RTN1: variants seen among roughly 807,000 people sequenced by gnomAD.
RTN1 encodes reticulon 1, also known as reticulon-1.
In RTN1, 25 loss-of-function variants were observed where a neutral mutation model predicts 65.5. The ratio of observed to expected loss-of-function variants is 0.38; its 90% CI spans 0.28 to 0.53. The LOEUF is 0.53. Among genes scored for constraint, RTN1 ranks in the 20% least tolerant of loss-of-function variants. The probability of loss-of-function intolerance (pLI) is 0.79; values close to 1 mark genes in which losing one functional copy is unlikely to be tolerated. For missense variants in RTN1, 983 were observed against 1,025.4 expected, an observed-to-expected ratio of 0.96 and a Z score of 0.57; for synonymous variants, 471 against 447.6, an observed-to-expected ratio of 1.05 and a Z score of -0.66.
chr14:59,664,817 T>G (rs540485934), intron 3 of RTN1, among the ~76,000 whole-genome samples: 2 of 152,318 alleles, frequency 1.3e-5, no homozygotes, highest in South Asian at 4.1e-4. Context: ...ATAATTTTTT[T>G]TTGTGCAAGC....
In RTN1 at chr14:59,785,377, C is replaced by A. The variant is rs147920865; in HGVS notation, c.242-38896G>T. 2.0e-5 allele frequency among the ~76,000 whole-genome samples: 3 copies of A among 152,088 alleles called. No homozygotes were observed. The South Asian group carries it at 6.2e-4, about 32-fold the overall frequency. On this transcript the variant is annotated intron_variant, in intron 1 of 8. Transcript: ENST00000267484. The stretch of plus-strand genomic sequence containing the variant: ...TGCATTATATGAGTTAATTTGAGTG[C>A]CTCATAATGTAAATACATTACTAAA...
intron 1 of RTN1, among the ~76,000 whole-genome samples, chr14:59,787,743 TG>T (rs1361544405): frequency 6.6e-6 from 1 of 152,128 alleles, no homozygotes; most frequent in Non-Finnish European, 1.5e-5. Flanking sequence ...TCATGTAGAC[TG>T]GGGTGATTTG....
At chr14:59,759,108 T>G (rs1237270092) in intron 1 of RTN1, among the ~76,000 whole-genome samples, 1 of 152,192 alleles carries the variant, frequency 6.6e-6, no homozygotes, top group African/African-American at 2.4e-5. Context: ...TTCATCTTTT[T>G]GGTCAGGCAT....
At chr14:59,646,095 T>C (rs891891521) in intron 3 of RTN1, among the ~76,000 whole-genome samples, 1 of 152,120 alleles carries the variant, frequency 6.6e-6, no homozygotes, top group African/African-American at 2.4e-5. Flanking sequence ...AGCTGACAGA[T>C]AAAATAGCCA....
chr14:59,800,440 C>T (rs538691924), intron 1 of RTN1, among the ~76,000 whole-genome samples: 2 of 152,136 alleles, frequency 1.3e-5, no homozygotes, highest in Admixed American at 1.3e-4. Context: ...TCACTCTGTC[C>T]CCCAGGCTGG....
intron 3 of RTN1, among the ~76,000 whole-genome samples, chr14:59,679,898 T>C (rs1056577950): frequency 1.3e-5 from 2 of 152,096 alleles, no homozygotes; most frequent in Non-Finnish European, 2.9e-5. Flanking sequence ...AGGTTGGGGG[T>C]TGGGGTTTGT....
chr14:59,837,693 AAAT>A (rs1369724594), intron 1 of RTN1, among the ~76,000 whole-genome samples: 2 of 152,242 alleles, frequency 1.3e-5, no homozygotes, highest in East Asian at 3.9e-4. Flanking sequence ...TCAAATAATT[AAAT>A]AATATGTTTT....
chr14:59,745,570 A>T, intron 2 of RTN1, 138 bp downstream of exon 2: 1 of 666,210 alleles, frequency 1.5e-6, no homozygotes, highest in Non-Finnish European at 2.4e-6. Context: ...TAATTAAATT[A>T]GTTAAACTAA....
chr14:59,697,732 T>C (rs1408093125), intron 3 of RTN1, among the ~76,000 whole-genome samples: 3 of 152,122 alleles, frequency 2.0e-5, no homozygotes, highest in African/African-American at 4.8e-5. Flanking sequence ...TAAAGACTTA[T>C]GGGTATTAGA....
chr14:59,846,774 A>T lies in RTN1; in HGVS notation c.241+23616T>A, dbSNP rs1259725552. 6.6e-6 allele frequency among the ~76,000 whole-genome samples: 1 copy of T among 152,138 alleles called. No individual in the cohort carries two copies. Among genetic ancestry groups the T allele is most frequent in the Non-Finnish European group, 1.5e-5 (1 of 68,026 alleles). ...TCCAAGTGCCCCTTGGTTCGTAGCC[A>T]GGTGTCCGCATACCTGTTTGAGATG... On this transcript the variant is annotated intron_variant, in intron 1 of 8. Coordinates refer to ENST00000267484, the MANE Select transcript of RTN1 (RefSeq NM_021136.3). The surrounding 1 kb of genome is among the most constrained non-coding windows in gnomAD (Gnocchi z 4.8).
intron 2 of RTN1, among the ~76,000 whole-genome samples, chr14:59,731,427 C>A (rs1490765208): frequency 2.0e-5 from 3 of 151,950 alleles, no homozygotes; most frequent in Non-Finnish European, 2.9e-5. Flanking sequence ...TGATGGATCA[C>A]AACTCTGTGA....
At chr14:59,622,869 T>G (rs1457946427) in intron 3 of RTN1, among the ~76,000 whole-genome samples, 1 of 152,142 alleles carries the variant, frequency 6.6e-6, no homozygotes, top group Non-Finnish European at 1.5e-5. Flanking sequence ...TAAGACACCT[T>G]TGATTTCATT....
At chr14:59,698,382 C>T (rs1309198278) in intron 3 of RTN1, among the ~76,000 whole-genome samples, 3 of 152,052 alleles carry the variant, frequency 2.0e-5, no homozygotes, top group Non-Finnish European at 4.4e-5. Flanking sequence ...AGCTGCCTGC[C>T]ATTTTTCAAT....
intron 1 of RTN1, among the ~76,000 whole-genome samples, chr14:59,777,053 T>C (rs1886065596): frequency 6.6e-6 from 1 of 152,182 alleles, no homozygotes; most frequent in Non-Finnish European, 1.5e-5. Context: ...GTCCCTCACC[T>C]AGGAAGACTG....
At chr14:59,656,011 CA>C (rs1883115942) in intron 3 of RTN1, among the ~76,000 whole-genome samples, 1 of 151,714 alleles carries the variant, frequency 6.6e-6, no homozygotes, top group African/African-American at 2.4e-5. Context: ...AATGAATGGA[CA>C]AAAAAATGGA....
At chr14:59,697,964 T>G (rs542047347) in intron 3 of RTN1, among the ~76,000 whole-genome samples, 183 of 152,250 alleles carry the variant, frequency 1.2e-3, no homozygotes, top group Non-Finnish European at 2.4e-3. Context: ...AAAAAGGGGA[T>G]AAATGGACTT....
intron 1 of RTN1, among the ~76,000 whole-genome samples, chr14:59,844,628 G>A (rs1887373459): frequency 6.6e-6 from 1 of 152,116 alleles, no homozygotes; most frequent in African/African-American, 2.4e-5. Context: ...TAGTTACAGA[G>A]TGAGTTCTAG....
intron 1 of RTN1, among the ~76,000 whole-genome samples, chr14:59,777,819 CAACAAAAAA>C (rs1380775847): frequency 1.1e-3 from 119 of 109,358 alleles, no homozygotes; most frequent in East Asian, 6.7e-3. Context: ...ACAACAACAA[CAACAAAAAA>C]AAAAAACAAA....
chr14:59,613,086 T>G (rs1566660934), intron 3 of RTN1, among the ~76,000 whole-genome samples: 1 of 152,198 alleles, frequency 6.6e-6, no homozygotes, highest in Non-Finnish European at 1.5e-5. Flanking sequence ...TGAACTACCT[T>G]GCGGAAATTC....
Sources: gnomAD v4.1 joint callset for allele counts (sites outside exome capture counted in the v4.1 genomes callset) on GRCh38, gnomAD v4.1.1 for gene constraint, Gnocchi (gnomAD v3.1) non-coding constraint, MANE v1.5 for transcripts, NCBI Gene and HGNC (gene_info 2026-07-23, HGNC 2026-07-21) for gene names.